The following PDE1C variants were observed in gnomAD, a reference collection of about 807,000 sequenced individuals.
The protein encoded by PDE1C is dual specificity calcium/calmodulin-dependent 3',5'-cyclic nucleotide phosphodiesterase 1C.
A neutral mutation model predicts 93.1 loss-of-function variants in PDE1C; 62 were observed. The observed-to-expected ratio is 0.67, with a 90% CI of 0.54 to 0.82. The LOEUF (loss-of-function observed/expected upper bound fraction) is 0.82, where lower values mean the gene tolerates loss of function less well. PDE1C is among the 40% of genes least tolerant of loss of function. The pLI is 0.00. For missense variants in PDE1C, 742 were observed against 884.6 expected, an observed-to-expected ratio of 0.84 and a Z score of 2.04; for synonymous variants, 325 against 310.1, an observed-to-expected ratio of 1.05 and a Z score of -0.50.
downstream of PDE1C, among the ~76,000 whole-genome samples, chr7:31,750,658 CA>C (rs772048139): frequency 5.9e-5 from 9 of 152,240 alleles, no homozygotes; most frequent in Admixed American, 6.5e-5. Flanking sequence ...CCAGAGCAAA[CA>C]AAAGGCAGTG....
the PDE1C span, among the ~76,000 whole-genome samples, chr7:31,628,796 G>T: frequency 1.3e-5 from 2 of 152,100 alleles, no homozygotes; most frequent in Admixed American, 1.3e-4. Flanking sequence ...CTTCAGCTTG[G>T]TAACTACGAA....
intron 2 of PDE1C, among the ~76,000 whole-genome samples, chr7:31,965,476 A>G (rs931930520): frequency 3.9e-5 from 6 of 152,200 alleles, no homozygotes; most frequent in East Asian, 1.9e-4. Flanking sequence ...CCAAATCTAC[A>G]TCTGATTGGT....
intron 1 of PDE1C, among the ~76,000 whole-genome samples, chr7:32,407,542 C>T (rs1248486636): frequency 6.6e-6 from 1 of 152,106 alleles, no homozygotes; most frequent in Non-Finnish European, 1.5e-5. Context: ...CTGAACTTTG[C>T]TGATGCTCAT....
At chr7:31,698,005 A>G in the PDE1C span, among the ~76,000 whole-genome samples, 15 of 152,298 alleles carry the variant, frequency 9.8e-5, no homozygotes, top group African/African-American at 3.4e-4. Flanking sequence ...TGAACAGATA[A>G]AATTATGATC....
chr7:32,058,671 T>C (rs1442262338), intron 1 of PDE1C, among the ~76,000 whole-genome samples: 1 of 152,234 alleles, frequency 6.6e-6, no homozygotes, highest in African/African-American at 2.4e-5. Flanking sequence ...ATGATGCATG[T>C]ATTAAAAACT....
the PDE1C span, among the ~76,000 whole-genome samples, chr7:31,700,385 T>C: frequency 1.3e-5 from 2 of 152,148 alleles, no homozygotes; most frequent in African/African-American, 4.8e-5. Context: ...TTCAGTTATA[T>C]GAAGGTTGAG....
At chr7:31,798,805 G>C (rs760516147) in intron 16 of PDE1C, among the ~76,000 whole-genome samples, 24 of 151,738 alleles carry the variant, frequency 1.6e-4, no homozygotes, top group Admixed American at 4.6e-4. Context: ...CCAATGCATA[G>C]CCAGTGTCAA....
intron 1 of PDE1C, among the ~76,000 whole-genome samples, chr7:32,240,190 T>C (rs1287294502): frequency 6.6e-6 from 1 of 152,250 alleles, no homozygotes; most frequent in African/African-American, 2.4e-5. Context: ...GGTAGGTGTA[T>C]GCACATTATA....
chr7:32,387,946 T>C (rs1784674158), intron 1 of PDE1C, among the ~76,000 whole-genome samples: 2 of 152,224 alleles, frequency 1.3e-5, no homozygotes, highest in Admixed American at 6.5e-5. Flanking sequence ...AAAGCTTTCC[T>C]GGCCTCTACA....
At chr7:32,070,884 C>G (rs1230188370), upstream of PDE1C, 1 of 985,778 alleles carries the variant, frequency 1.0e-6, no homozygotes, top group Non-Finnish European at 1.2e-6. Context: ...GGGGCCTGAC[C>G]CGGACGCCGC....
rs188435889 is a variant in PDE1C, at chr7:32,367,580, G to T, written c.310+60242C>A. 3.0e-3 allele frequency among the ~76,000 whole-genome samples: 455 copies of T among 152,242 alleles called. 2 individuals are homozygous for T. The highest frequency in any genetic ancestry group is 3.0e-3 in the Non-Finnish European group (203 of 68,024). On this transcript the variant is annotated intron_variant, in intron 1 of 1. Transcript: ENST00000672256. ...AGATGAAAAACGATATTCCAGGCTG[G>T]GTGTGGTGGCTTATGCCTGTAATCC...
the PDE1C span, among the ~76,000 whole-genome samples, chr7:31,650,409 G>A: frequency 2.6e-5 from 4 of 152,088 alleles, no homozygotes; most frequent in African/African-American, 9.7e-5. Flanking sequence ...AAGTTCTCAG[G>A]AGCTGCAGGA....
At chr7:32,408,756 T>G (rs1178383507) in intron 1 of PDE1C, among the ~76,000 whole-genome samples, 1 of 151,828 alleles carries the variant, frequency 6.6e-6, no homozygotes, top group Non-Finnish European at 1.5e-5. Context: ...GCTGCTGCAC[T>G]CCAGCCTGAG....
intron 2 of PDE1C, among the ~76,000 whole-genome samples, chr7:32,178,275 T>C (rs1396337554): frequency 1.3e-5 from 2 of 152,104 alleles, no homozygotes; most frequent in Admixed American, 6.5e-5. Context: ...TCATCTCAAC[T>C]CAATCTGGTG....
the PDE1C span, among the ~76,000 whole-genome samples, chr7:31,742,568 A>G: frequency 2.6e-5 from 4 of 152,168 alleles, no homozygotes; most frequent in African/African-American, 9.6e-5. Context: ...AGCACTTGCC[A>G]ATCTTCCTTC....
rs186216231 is a variant in PDE1C, at chr7:32,251,035, C to T, written c.86-41496G>A. Among the ~76,000 whole-genome samples, 22 of 152,332 alleles carry T rather than the reference C, an allele frequency of 1.4e-4. No individual in the cohort carries two copies. The East Asian group carries it at 3.9e-3, about 27-fold the overall frequency. ...AGCATGATGCAGATAAAGAAAATGACGGATTATCAACACACACATGCGAGC... is the reference window on the plus strand; with the variant it reads ...AGCATGATGCAGATAAAGAAAATGATGGATTATCAACACACACATGCGAGC... On this transcript the variant is annotated intron_variant, in intron 1 of 18. Coordinates refer to the PDE1C transcript ENST00000396193.
At chr7:31,691,951 T>C in the PDE1C span, among the ~76,000 whole-genome samples, 1 of 152,180 alleles carries the variant, frequency 6.6e-6, no homozygotes, top group Non-Finnish European at 1.5e-5. Context: ...GGCTATTTAA[T>C]AGATGTGTGA....
In PDE1C at chr7:31,966,524, C is replaced by G. The variant is rs1183856972; in HGVS notation, c.128+85030G>C. 3.3e-5 allele frequency among the ~76,000 whole-genome samples: 5 copies of G among 152,214 alleles called. No individual in the cohort carries two copies. The East Asian group carries it at 9.7e-4, about 29-fold the overall frequency. On this transcript the variant is annotated intron_variant, in intron 2 of 17. Transcript: ENST00000396191. ...CAATAATAATGGGAGACTTTAACAC[C>G]CCACTGTCAACATTAGACAGATCAA...
At chr7:32,341,243 T>C (rs1783747079) in intron 1 of PDE1C, among the ~76,000 whole-genome samples, 1 of 134,036 alleles carries the variant, frequency 7.5e-6, no homozygotes, top group African/African-American at 2.7e-5. Flanking sequence ...TGGCGCGATC[T>C]CGGCTCACTG....
Sources: gnomAD v4.1 joint callset for allele counts (sites outside exome capture counted in the v4.1 genomes callset) on GRCh38, gnomAD v4.1.1 for gene constraint, MANE v1.5 for transcripts, NCBI Gene and HGNC (gene_info 2026-07-23, HGNC 2026-07-21) for gene names.